Variants in ARID1B observed in about 807,000 individuals in gnomAD.
ARID1B encodes the protein AT-rich interaction domain 1B.
Under a neutral mutation model 212.3 loss-of-function variants are expected in ARID1B, and 30 were observed. The ratio of observed to expected loss-of-function variants is 0.14; its 90% CI spans 0.11 to 0.19. The LOEUF (loss-of-function observed/expected upper bound fraction) is 0.19, where lower values mean the gene tolerates loss of function less well. Ranked by LOEUF, ARID1B falls within the 10% of genes least tolerant of loss-of-function variation. ARID1B has a pLI of 1.00. For missense variants in ARID1B, 2,891 were observed against 3,204.0 expected, an observed-to-expected ratio of 0.90 and a Z score of 2.36; for synonymous variants, 1,402 against 1,301.7, an observed-to-expected ratio of 1.08 and a Z score of -1.66.
At position 157,181,089 on chromosome 6, in the gene ARID1B, C is replaced by G. The variant is rs2128317316; in HGVS notation, c.3625C>G (p.Pro1209Ala). 2 of 1,614,194 alleles carry G rather than the reference C, an allele frequency of 1.2e-6. No homozygotes were observed. Among genetic ancestry groups the G allele is most frequent in the Non-Finnish European group, 1.7e-6 (2 of 1,180,032 alleles). The change falls in exon 12 of 20, where the codon CCT becomes GCT. Residue 1209 changes from proline to alanine, a missense_variant. This residue lies in a region of ARID1B where 666 missense variants were observed against 873.5 expected (regional missense o/e 0.76). Transcript: ENST00000636930. ...CACCTTCATGGAAGAGAGAGGCTCT[C>G]CTGTCTCAAGTCTGCCTGCCGTGGG... is the stretch of plus-strand genomic sequence containing the variant. The part of the protein sequence containing the change: ...YLTFMEERGS[P>A]VSSLPAVGKK...
chr6:157,078,898 A>G (rs538793729), intron 4 of ARID1B, among the ~76,000 whole-genome samples: 263 of 152,336 alleles, frequency 1.7e-3, no homozygotes, highest in African/African-American at 5.8e-3. Context: ...GGTGAAAGTC[A>G]TGTCACCCAA....
chr6:157,109,781 G>A (rs531905327), intron 5 of ARID1B, among the ~76,000 whole-genome samples: 17 of 152,124 alleles, frequency 1.1e-4, no homozygotes, highest in Middle Eastern at 3.2e-3. Context: ...GAGAGGGATT[G>A]AAGGAATACA....
intron 4 of ARID1B, chr6:157,023,852 G>A (rs1780481006): frequency 6.6e-6 from 1 of 152,126 alleles, no homozygotes; most frequent in Non-Finnish European, 1.5e-5. Context: ...TTTGCCAAAG[G>A]TAGTCTTGAT....
At chr6:157,077,146 A>C (rs1784360370) in intron 4 of ARID1B, among the ~76,000 whole-genome samples, 1 of 152,174 alleles carries the variant, frequency 6.6e-6, no homozygotes, top group African/African-American at 2.4e-5. Flanking sequence ...CCCAGACTAG[A>C]GTTACTCAGG....
At chr6:157,052,927 C>T (rs1164252130) in intron 4 of ARID1B, among the ~76,000 whole-genome samples, 4 of 151,924 alleles carry the variant, frequency 2.6e-5, no homozygotes, top group Non-Finnish European at 4.4e-5. Flanking sequence ...ACCATGTTGG[C>T]CAGTATTGTC....
intron 1 of ARID1B, among the ~76,000 whole-genome samples, chr6:156,810,818 C>T (rs1291477053): frequency 1.3e-5 from 2 of 152,134 alleles, no homozygotes; most frequent in African/African-American, 4.8e-5. Flanking sequence ...TGAGGAAGAG[C>T]TATATGAAAT....
rs148922487 is a variant in ARID1B, at chr6:157,206,316, A to C, written c.5544A>C (p.Ala1848=). 4.0e-4 allele frequency: 641 copies of C among 1,614,102 alleles called. 1 individual carries two copies. Among genetic ancestry groups the C allele is most frequent in the Non-Finnish European group, 5.3e-4 (622 of 1,180,048 alleles). ...AARKDDSQSL[A]DDSGKEEEDA... ...GGAAGGATGACAGCCAGTCCTTGGC[A>C]GACGATTCTGGGAAAGAGGAGGAAG... The change falls in exon 20 of 20, where the codon GCA becomes GCC. Residue 1848 remains alanine (A), a synonymous_variant. Coordinates refer to ENST00000636930, the MANE Select transcript of ARID1B (RefSeq NM_001374828.1). The surrounding 1 kb of genome is among the most constrained non-coding windows in gnomAD (Gnocchi z 6.8).
At chr6:156,810,288 A>G (rs528173991) in intron 1 of ARID1B, among the ~76,000 whole-genome samples, 3 of 152,300 alleles carry the variant, frequency 2.0e-5, no homozygotes, top group South Asian at 4.1e-4. Context: ...TTCCATCTAC[A>G]GATATACGTT....
At chr6:156,834,972 C>T (rs887530727) in intron 2 of ARID1B, among the ~76,000 whole-genome samples, 13 of 152,202 alleles carry the variant, frequency 8.5e-5, no homozygotes, top group Admixed American at 6.5e-4. Flanking sequence ...CGGTGGCTCA[C>T]GCCTGTAATC....
At chr6:157,004,889 TCTTTTTTC>T (rs1779118729) in intron 4 of ARID1B, among the ~76,000 whole-genome samples, 1 of 49,228 alleles carries the variant, frequency 2.0e-5, no homozygotes, top group African/African-American at 1.1e-4. Flanking sequence ...TTTTTCTTCT[TCTTTTTTC>T]TTTTTTTTTT....
intron 5 of ARID1B, among the ~76,000 whole-genome samples, chr6:157,086,938 A>G (rs1168845592): frequency 2.6e-5 from 4 of 152,224 alleles, no homozygotes; most frequent in Non-Finnish European, 5.9e-5. Flanking sequence ...GGATCTCACT[A>G]TCATTTCTCC....
intron 4 of ARID1B, among the ~76,000 whole-genome samples, chr6:157,017,206 G>C (rs1046553565): frequency 6.6e-6 from 1 of 152,188 alleles, no homozygotes; most frequent in African/African-American, 2.4e-5. Flanking sequence ...GTGGTGGATT[G>C]CCCTTGTTTC....
intron 2 of ARID1B, among the ~76,000 whole-genome samples, chr6:156,840,306 T>C (rs984548405): frequency 1.5e-4 from 23 of 152,200 alleles, no homozygotes; most frequent in Admixed American, 1.1e-3. Flanking sequence ...TTAAGTAAAA[T>C]TGCACACTCC....
rs146838488 is a variant in ARID1B, at chr6:156,793,747, T to C, written c.1791+14276T>C. 5.5e-3 allele frequency among the ~76,000 whole-genome samples: 836 copies of C among 152,350 alleles called. 2 individuals carry two copies. Among genetic ancestry groups the C allele is most frequent in the Non-Finnish European group, 9.2e-3 (625 of 68,028 alleles). On this transcript the variant is annotated intron_variant, in intron 1 of 19. Coordinates refer to ENST00000636930, the MANE Select transcript of ARID1B (RefSeq NM_001374828.1). ...ACTGGCAAAACTCTTATGGATATGC[T>C]GCTTCTCATTCTTGCCTCTCAAATA...
At position 157,148,151 on chromosome 6, in the gene ARID1B, T is replaced by C. The variant is rs1789937273; in HGVS notation, c.2762-473T>C. Among the ~76,000 whole-genome samples, 1 of 152,108 alleles carries C rather than the reference T, an allele frequency of 6.6e-6. No homozygotes were observed. The highest frequency in any genetic ancestry group is 6.5e-5 in the Admixed American group (1 of 15,284). ...TCCTGTGGGGTTTTAAAGGATGATT[T>C]TGACCATATGTGCATGTCGTCTTAC... On this transcript the variant is annotated intron_variant, in intron 7 of 19. Coordinates refer to ENST00000636930, the MANE Select transcript of ARID1B (RefSeq NM_001374828.1). This position sits in a 1 kb window ranked among gnomAD's most constrained non-coding sequence, Gnocchi z 5.6.
rs1026907446 is a variant in ARID1B, at chr6:157,208,602, C to T, written c.*711C>T. The T allele has an allele frequency of 2.6e-5, 6 of 232,448 alleles. No individual in the cohort carries two copies. Among genetic ancestry groups the T allele is most frequent in the East Asian group, 1.2e-4 (2 of 16,404 alleles). The allele number at this position is 232,448 out of a possible 1,614,324, so 14.4% of individuals were successfully genotyped here. ...CCTGCTGTCGGCGTTTGACCTTCCA[C>T]GTGACAGTTCTTCACAATTCCTTTC... On this transcript the variant is annotated 3_prime_UTR_variant, in exon 20 of 20. Transcript: ENST00000636930.
chr6:156,974,925 A>G lies in ARID1B; in HGVS notation c.2247+39349A>G, dbSNP rs563293557. ...ACTACACATATTTATTTTATCTACC[A>G]TTTGATGGCCATTTGGGTTCTTTCC... On this transcript the variant is annotated intron_variant, in intron 4 of 19. Coordinates refer to ENST00000636930, the MANE Select transcript of ARID1B (RefSeq NM_001374828.1). Among the ~76,000 whole-genome samples, 9 of 152,222 alleles carry G rather than the reference A, an allele frequency of 5.9e-5. No homozygotes were observed. The South Asian group carries it at 1.7e-3, about 28-fold the overall frequency.
At chr6:156,954,462 G>A (rs1271000590) in intron 4 of ARID1B, among the ~76,000 whole-genome samples, 2 of 152,012 alleles carry the variant, frequency 1.3e-5, no homozygotes, top group Non-Finnish European at 2.9e-5. Flanking sequence ...TTATCTGTGA[G>A]TATTTTGTCT....
Position 156,779,313 on chromosome 6 carries a change from G to A in ARID1B, c.1633G>A (p.Ala545Thr). 1.8e-6 allele frequency: 2 copies of A among 1,140,854 alleles called. No individual in the cohort carries two copies. The highest frequency in any genetic ancestry group is 2.1e-6 in the Non-Finnish European group (2 of 931,140). 70.7% of individuals were successfully genotyped at this position (1,140,854 alleles called of 1,614,324 possible). Residue 545 changes from alanine (A) to threonine (T), a missense_variant, in exon 1 of 20, where the codon GCG becomes ACG. By Grantham distance (58) the Ala-to-Thr change is moderately conservative. Coordinates refer to ENST00000636930, the MANE Select transcript of ARID1B (RefSeq NM_001374828.1). ...CCAGTCCCAGGCGGCGGCGGCGGGG[G>A]CGGCGGCGGGCGGCCAGCAGGCGGC... ...QPQSQAAAAG[A>T]AAGGQQAAAG...
Sources: allele counts gnomAD v4.1 joint callset (sites outside exome capture counted in the v4.1 genomes callset), GRCh38; gene constraint gnomAD v4.1.1; regional missense constraint gnomAD v4.1.1; non-coding constraint Gnocchi (gnomAD v3.1); transcripts MANE v1.5; gene names NCBI Gene and HGNC (gene_info 2026-07-23, HGNC 2026-07-21).